FCHSD2: variants seen among roughly 807,000 people sequenced by gnomAD.
FCHSD2 encodes F-BAR and double SH3 domains protein 2.
FCHSD2 carries 38 observed loss-of-function variants against 108.1 expected under a neutral mutation model. The observed-to-expected ratio is 0.35, with a 90% confidence interval of 0.27 to 0.46. FCHSD2 has a LOEUF of 0.46. FCHSD2 is among the 20% of genes least tolerant of loss of function. The pLI, the probability that FCHSD2 is intolerant of heterozygous loss-of-function variation, is 1.00. For missense variants in FCHSD2, 751 were observed against 897.8 expected (o/e 0.84, Z 2.09); for synonymous variants, 279 against 314.7 (o/e 0.89, Z 1.20).
intron 3 of FCHSD2, among the ~76,000 whole-genome samples, chr11:73,061,415 T>C (rs1486928464): frequency 6.6e-6 from 1 of 152,168 alleles, no homozygotes; most frequent in African/African-American, 2.4e-5. Context: ...AGGAATTCTT[T>C]TTTTCCATAC....
chr11:72,919,129 A>T (rs987741091), intron 9 of FCHSD2, among the ~76,000 whole-genome samples: 4 of 152,296 alleles, frequency 2.6e-5, no homozygotes, highest in Middle Eastern at 3.4e-3. Flanking sequence ...TAAAATAAAA[A>T]AAATCTAAAA....
At chr11:72,995,880 A>T (rs921915433) in intron 5 of FCHSD2, among the ~76,000 whole-genome samples, 1 of 152,178 alleles carries the variant, frequency 6.6e-6, no homozygotes, top group Non-Finnish European at 1.5e-5. Flanking sequence ...AATGCCCTAG[A>T]AATTTATCCT....
intron 11 of FCHSD2, among the ~76,000 whole-genome samples, chr11:72,888,566 A>G (rs909493841): frequency 6.6e-6 from 1 of 151,954 alleles, no homozygotes; most frequent in African/African-American, 2.4e-5. Flanking sequence ...TACTCCAAAT[A>G]ATTTCTTTGT....
chr11:73,060,442 A>T (rs1373590747), intron 3 of FCHSD2, among the ~76,000 whole-genome samples: 1 of 152,216 alleles, frequency 6.6e-6, no homozygotes, highest in Admixed American at 6.5e-5. Context: ...GATAAAAAAA[A>T]AGTTTTATTT....
intron 9 of FCHSD2, among the ~76,000 whole-genome samples, chr11:72,917,572 T>C (rs934781476): frequency 3.3e-5 from 5 of 152,164 alleles, no homozygotes; most frequent in African/African-American, 1.2e-4. Flanking sequence ...CTATTCATGG[T>C]CCCTTGTAGT....
At chr11:73,026,636 G>A (rs1858236104) in intron 3 of FCHSD2, among the ~76,000 whole-genome samples, 1 of 152,144 alleles carries the variant, frequency 6.6e-6, no homozygotes, top group East Asian at 1.9e-4. Context: ...TTAAAGATCA[G>A]AAGGACAAAT....
chr11:72,922,409 C>A (rs143233886), intron 8 of FCHSD2, among the ~76,000 whole-genome samples: 1 of 151,752 alleles, frequency 6.6e-6, no homozygotes, highest in Non-Finnish European at 1.5e-5. Flanking sequence ...AGAAAAAACA[C>A]AATAGAAATA....
At chr11:72,975,863 A>G (rs187507922) in intron 8 of FCHSD2, among the ~76,000 whole-genome samples, 123 of 152,342 alleles carry the variant, frequency 8.1e-4, no homozygotes, top group Middle Eastern at 3.4e-3. Flanking sequence ...AGAATTACTA[A>G]GCTTTTAAAA....
In FCHSD2 at chr11:72,959,853, GGTGT is replaced by G. The variant is rs58451717; in HGVS notation, c.705+24231_705+24234del. Among the ~76,000 whole-genome samples, 1,400 of 145,872 alleles carry G rather than the reference GGTGT, an allele frequency of 9.6e-3. 16 individuals are homozygous for G. The highest frequency in any genetic ancestry group is 0.017 in the African/African-American group (691 of 39,610). On this transcript the variant is annotated intron_variant, in intron 8 of 19. Coordinates refer to ENST00000409418, the MANE Select transcript of FCHSD2 (RefSeq NM_014824.3). ...AATTTCCCTGATTTTAAGTTTCTAG[GGTGT>G]GTGTGTGTGTGTGTGTGTGTGTGTG...
In FCHSD2 at chr11:73,124,385, T is replaced by C. The variant is rs908528870; in HGVS notation, c.119+15646A>G. On this transcript the variant is annotated intron_variant, in intron 2 of 19. Coordinates refer to ENST00000409418, the MANE Select transcript of FCHSD2 (RefSeq NM_014824.3). The stretch of plus-strand genomic sequence containing the variant: ...ATAACAAACCTGCACATTGTGCACA[T>C]GTACCCTAGAACTTAAAGTATAATA... Among the ~76,000 whole-genome samples, 3 of 152,114 alleles carry C rather than the reference T, an allele frequency of 2.0e-5. No individual in the cohort carries two copies. In the South Asian group the frequency reaches 6.2e-4, roughly 32 times the overall value.
chr11:72,900,461 G>A, intron 10 of FCHSD2: 1 of 616,808 alleles, frequency 1.6e-6, no homozygotes. Context: ...CAGTTGGGCT[G>A]GGAAAAAGTG....
chr11:72,990,224 C>T (rs1012294222), intron 5 of FCHSD2, among the ~76,000 whole-genome samples: 1 of 152,086 alleles, frequency 6.6e-6, no homozygotes, highest in Non-Finnish European at 1.5e-5. Context: ...TGGGCCTTTG[C>T]TTAACTTTCT....
intron 4 of FCHSD2, among the ~76,000 whole-genome samples, chr11:73,003,367 T>C (rs533233667): frequency 2.6e-5 from 4 of 152,304 alleles, no homozygotes; most frequent in East Asian, 1.9e-4. Flanking sequence ...AATGAATACA[T>C]AGTAACAGCA....
intron 9 of FCHSD2, among the ~76,000 whole-genome samples, chr11:72,915,806 A>C (rs758278119): frequency 3.9e-5 from 6 of 152,238 alleles, no homozygotes; most frequent in Non-Finnish European, 7.3e-5. Context: ...TGACAGAGCA[A>C]GACTCTGCCT....
At chr11:73,079,929 G>A (rs768955622) in intron 3 of FCHSD2, among the ~76,000 whole-genome samples, 16 of 152,140 alleles carry the variant, frequency 1.1e-4, no homozygotes, top group Non-Finnish European at 1.8e-4. Context: ...TATTAGATAC[G>A]TTACATAGTT....
intron 10 of FCHSD2, among the ~76,000 whole-genome samples, chr11:72,897,917 C>A (rs530667443): frequency 2.0e-5 from 3 of 152,274 alleles, no homozygotes. Flanking sequence ...AGAAAGAGCT[C>A]TGGCTTTCTG....
chr11:72,891,448 A>C (rs1230732585), intron 10 of FCHSD2, among the ~76,000 whole-genome samples: 6 of 152,220 alleles, frequency 3.9e-5, no homozygotes. Context: ...CCATCTTTAC[A>C]TTCATATTTT....
chr11:72,850,648 T>C (rs749233608), intron 13 of FCHSD2, among the ~76,000 whole-genome samples: 12 of 152,000 alleles, frequency 7.9e-5, no homozygotes, highest in Non-Finnish European at 1.5e-4. Flanking sequence ...CCACCGTGCC[T>C]GGCCAGGACA....
At chr11:72,896,764 TAAAAAAAAAAAA>T (rs58159831) in intron 10 of FCHSD2, among the ~76,000 whole-genome samples, 1 of 68,388 alleles carries the variant, frequency 1.5e-5, no homozygotes, top group Non-Finnish European at 2.7e-5. Context: ...GGGAAAATAC[TAAAAAAAAAAAA>T]AAAAAAAAAA....
Sources: gnomAD v4.1 joint callset for allele counts (sites outside exome capture counted in the v4.1 genomes callset) on GRCh38, gnomAD v4.1.1 for gene constraint, MANE v1.5 for transcripts, NCBI Gene and HGNC (gene_info 2026-07-23, HGNC 2026-07-21) for gene names.